Variants in AJAP1 observed in about 807,000 individuals in gnomAD.
AJAP1 encodes the protein adherens junctions associated protein 1, also known as adherens junction-associated protein 1.
A neutral mutation model predicts 35.0 loss-of-function variants in AJAP1; 5 were observed. The observed-to-expected ratio is 0.14, with a 90% CI of 0.07 to 0.30. AJAP1 has a LOEUF of 0.30. AJAP1 is among the 10% of genes least tolerant of loss of function. AJAP1 has a pLI of 1.00. For missense variants in AJAP1, 586 were observed against 571.0 expected, an observed-to-expected ratio of 1.03 and a Z score of -0.27; for synonymous variants, 284 against 249.3, an observed-to-expected ratio of 1.14 and a Z score of -1.31.
rs1160878733 is a variant in AJAP1, at chr1:4,723,231, A to G, written c.829+10532A>G. Among the ~76,000 whole-genome samples, 2 of 152,148 alleles carry G rather than the reference A, an allele frequency of 1.3e-5. No individual in the cohort carries two copies. The highest frequency in any genetic ancestry group is 2.9e-5 in the Non-Finnish European group (2 of 68,026). On this transcript the variant is annotated intron_variant, in intron 2 of 5. Transcript: ENST00000378191. This position sits in a 1 kb window ranked among gnomAD's most constrained non-coding sequence, Gnocchi z 4.3. Reference sequence around the variant, plus strand: ...AGCTGGGGAGCAGCAGATTGGAAGGAGCCCTTGGGACGGGACCTTCACTCT... The same window carrying G: ...AGCTGGGGAGCAGCAGATTGGAAGGGGCCCTTGGGACGGGACCTTCACTCT...
chr1:4,758,022 T>C (rs1470969942), intron 2 of AJAP1, among the ~76,000 whole-genome samples: 1 of 152,168 alleles, frequency 6.6e-6, no homozygotes, highest in Non-Finnish European at 1.5e-5. Context: ...TGAGATCTGA[T>C]GGTTTTATAA....
rs1642193552 is a variant in AJAP1, at chr1:4,787,872, A to C, written c.*5387A>C. ...AGCTCCCCCAGCACTGAGCTCACTT[A>C]GTGGCATCCTTCTTAAACAGCATCT... On this transcript the variant is annotated 3_prime_UTR_variant, in exon 6 of 6. Transcript: ENST00000378191. 7.4e-6 allele frequency: 3 copies of C among 402,906 alleles called. No individual in the cohort carries two copies. Among genetic ancestry groups the C allele is most frequent in the Non-Finnish European group, 1.5e-5 (3 of 198,150 alleles). 25.0% of individuals were successfully genotyped at this position (402,906 alleles called of 1,614,324 possible). A position where few individuals can be genotyped will look rare whatever the true frequency, so the allele number is the denominator to read the frequency against.
intron 1 of AJAP1, among the ~76,000 whole-genome samples, chr1:4,689,062 C>T (rs1639673660): frequency 6.6e-6 from 1 of 152,058 alleles, no homozygotes; most frequent in South Asian, 2.1e-4. Context: ...CCTCACTCGC[C>T]TGTAGGGGGT....
intron 2 of AJAP1, among the ~76,000 whole-genome samples, chr1:4,735,931 G>T (rs1640911743): frequency 6.6e-6 from 1 of 152,240 alleles, no homozygotes; most frequent in South Asian, 2.1e-4. Context: ...TTGCTGGTCA[G>T]ATTGAGGGGA....
Position 4,655,345 on chromosome 1 carries a change from G to T in AJAP1, c.-81G>T. 1.5e-6 allele frequency: 2 copies of T among 1,377,322 alleles called. No individual in the cohort carries two copies. Among genetic ancestry groups the T allele is most frequent in the Non-Finnish European group, 1.9e-6 (2 of 1,032,412 alleles). 85.3% of individuals were successfully genotyped at this position (1,377,322 alleles called of 1,614,324 possible). A position where few individuals can be genotyped will look rare whatever the true frequency, so the allele number is the denominator to read the frequency against. On this transcript the variant is annotated 5_prime_UTR_variant, in exon 1 of 6. Transcript: ENST00000378191. The surrounding 1 kb of genome is among the most constrained non-coding windows in gnomAD (Gnocchi z 6.9). ...CCGAGAGCCGGAGACCGGCGCCGCGGGACGGAAGCGAGCGGGCGCGGGCGC... is the reference window on the plus strand; with the variant it reads ...CCGAGAGCCGGAGACCGGCGCCGCGTGACGGAAGCGAGCGGGCGCGGGCGC...
intron 1 of AJAP1, among the ~76,000 whole-genome samples, chr1:4,705,274 C>T (rs1246680525): frequency 6.6e-6 from 1 of 151,634 alleles, no homozygotes; most frequent in Non-Finnish European, 1.5e-5. Flanking sequence ...GACCTAAAAC[C>T]GTAAAAACCC....
At chr1:4,676,410 G>A (rs970306458) in intron 1 of AJAP1, among the ~76,000 whole-genome samples, 3 of 152,156 alleles carry the variant, frequency 2.0e-5, no homozygotes, top group Admixed American at 6.5e-5. Flanking sequence ...ATCACAGAAC[G>A]TGAAGCTTCC....
intron 1 of AJAP1, among the ~76,000 whole-genome samples, chr1:4,666,792 T>TCA (rs1639135709): frequency 7.1e-6 from 1 of 140,524 alleles, no homozygotes; most frequent in Non-Finnish European, 1.5e-5. Context: ...GGCCCGTGAA[T>TCA]CACGGAAGGG....
intron 2 of AJAP1, among the ~76,000 whole-genome samples, chr1:4,743,781 G>C (rs141064990): frequency 1.3e-5 from 2 of 152,174 alleles, no homozygotes; most frequent in African/African-American, 4.8e-5. Context: ...GGGGGGTCTC[G>C]CCGAGAACAA....
chr1:4,676,101 G>C (rs559687123), intron 1 of AJAP1, among the ~76,000 whole-genome samples: 2 of 152,318 alleles, frequency 1.3e-5, no homozygotes, highest in South Asian at 4.1e-4. Context: ...GTTCCTGGAT[G>C]CTCCGTGTGT....
chr1:4,763,272 G>T (rs1364500791), intron 2 of AJAP1, among the ~76,000 whole-genome samples: 1 of 152,212 alleles, frequency 6.6e-6, no homozygotes, highest in Non-Finnish European at 1.5e-5. Flanking sequence ...AGGCCCTTTG[G>T]GGCAATTCCC....
intron 2 of AJAP1, among the ~76,000 whole-genome samples, chr1:4,759,748 A>G (rs1641522266): frequency 6.6e-6 from 1 of 152,130 alleles, no homozygotes; most frequent in Non-Finnish European, 1.5e-5. Context: ...ATTTGTTTAG[A>G]GGTTTGATGT....
At position 4,787,766 on chromosome 1, in the gene AJAP1, C is replaced by T. The variant is rs1038441691; in HGVS notation, c.*5281C>T. The T allele has an allele frequency of 1.8e-5, 8 of 454,948 alleles. No individual in the cohort carries two copies. Among genetic ancestry groups the T allele is most frequent in the East Asian group, 7.0e-5 (1 of 14,344 alleles). 28.2% of individuals were successfully genotyped at this position (454,948 alleles called of 1,614,324 possible). Reference sequence around the variant, plus strand: ...TCTCAAGGAGGATAAGGGGGTTCAACGTCAGCGACTTGGCCCACGGGGCAC... The same window carrying T: ...TCTCAAGGAGGATAAGGGGGTTCAATGTCAGCGACTTGGCCCACGGGGCAC... On this transcript the variant is annotated 3_prime_UTR_variant, in exon 6 of 6. Coordinates refer to ENST00000378191, the MANE Select transcript of AJAP1 (RefSeq NM_018836.4).
rs1638837853 is a variant in AJAP1 at position 4,654,846 on chromosome 1, C to T, written c.-580C>T. The T allele has an allele frequency of 1.3e-5, 2 of 150,784 alleles. 1 individual carries two copies. Among genetic ancestry groups the T allele is most frequent in the South Asian group, 4.1e-4 (2 of 4,832 alleles). The allele number at this position is 150,784 out of a possible 1,614,324, so 9.3% of individuals were successfully genotyped here. ...GCGCTCAGACGGAGCCCCCGGGCAACTTGAGTGGCGCCGATCGGCGGCGGA... is the reference window on the plus strand; with the variant it reads ...GCGCTCAGACGGAGCCCCCGGGCAATTTGAGTGGCGCCGATCGGCGGCGGA... On this transcript the variant is annotated 5_prime_UTR_variant, in exon 1 of 6. Coordinates refer to ENST00000378191, the MANE Select transcript of AJAP1 (RefSeq NM_018836.4). The surrounding 1 kb of genome is among the most constrained non-coding windows in gnomAD (Gnocchi z 5.1).
At chr1:4,779,001 A>G (rs1211624357) in intron 5 of AJAP1, among the ~76,000 whole-genome samples, 1 of 152,226 alleles carries the variant, frequency 6.6e-6, no homozygotes, top group Non-Finnish European at 1.5e-5. Context: ...CTGTGCTGCC[A>G]GCAGGGGATG....
intron 2 of AJAP1, among the ~76,000 whole-genome samples, chr1:4,732,269 T>A (rs1361481441): frequency 6.6e-6 from 1 of 152,242 alleles, no homozygotes; most frequent in Non-Finnish European, 1.5e-5. Context: ...CCCTCCAGTC[T>A]ACTGTGCTGA....
In AJAP1 at chr1:4,712,086, G is replaced by A. The variant is rs745464898; in HGVS notation, c.216G>A (p.Ala72=). The A allele has an allele frequency of 4.5e-6, 7 of 1,562,700 alleles. No homozygotes were observed. The highest frequency in any genetic ancestry group is 2.4e-5 in the South Asian group (2 of 84,030). The change falls in exon 2 of 6, where the codon GCG becomes GCA. Residue 72 remains alanine (A), a synonymous_variant. Transcript: ENST00000378191. ...RLWSFRSGQP[A]RVPAPVWSPR... is the part of the protein sequence containing the mutation. ...GGAGTTTTAGGAGTGGACAGCCAGC[G>A]CGGGTCCCGGCCCCGGTGTGGAGCC...
At chr1:4,697,015 G>A (rs575504441) in intron 1 of AJAP1, among the ~76,000 whole-genome samples, 9 of 151,000 alleles carry the variant, frequency 6.0e-5, no homozygotes, top group Admixed American at 1.3e-4. Context: ...CTTTCTCTAC[G>A]CACACATGGT....
rs1335813966 is a variant in AJAP1 at position 4,756,387 on chromosome 1, T to G, written c.830-13466T>G. Among the ~76,000 whole-genome samples the G allele has an allele frequency of 5.3e-5, 8 of 152,294 alleles. No homozygotes were observed. In the South Asian group the frequency reaches 1.7e-3, roughly 32 times the overall value. On this transcript the variant is annotated intron_variant, in intron 2 of 5. Coordinates refer to ENST00000378191, the MANE Select transcript of AJAP1 (RefSeq NM_018836.4). ...CTGGGCCAGGTGTGCGGTAGTCTCA[T>G]GGCATGGCCTGACCTTTTCTGACCC...
Sources: allele counts gnomAD v4.1 joint callset (sites outside exome capture counted in the v4.1 genomes callset), GRCh38; gene constraint gnomAD v4.1.1; non-coding constraint Gnocchi (gnomAD v3.1); transcripts MANE v1.5; gene names NCBI Gene and HGNC (gene_info 2026-07-23, HGNC 2026-07-21).